Variants in CPZ observed in about 807,000 individuals in gnomAD.
CPZ encodes VEZT/CPZ fusion.
A neutral mutation model predicts 61.8 loss-of-function variants in CPZ; 103 were observed. That is an observed-to-expected ratio of 1.67 (90% CI 1.42 to 1.96). The LOEUF (loss-of-function observed/expected upper bound fraction) is 1.96, where lower values mean the gene tolerates loss of function less well. Ranked by LOEUF, CPZ falls within the 30% of genes most tolerant of loss-of-function variation. The pLI, the probability that CPZ is intolerant of heterozygous loss-of-function variation, is 0.00. For synonymous variants in CPZ, 551 were observed against 373.7 expected (o/e 1.47, Z -5.47); for missense variants, 1,461 against 914.9 (o/e 1.60, Z -7.70).
intron 1 of CPZ, 97 bp from the exon 2 acceptor site, chr4:8,599,356 C>A: frequency 7.1e-7 from 1 of 1,415,802 alleles, no homozygotes; most frequent in Non-Finnish European, 9.4e-7. Context: ...GTGGCCTGGG[C>A]TGGTCCCTAC....
intron 8 of CPZ, 125 bp downstream of exon 8, chr4:8,612,287 G>T (rs1457039018): frequency 3.7e-6 from 3 of 808,444 alleles, no homozygotes; most frequent in African/African-American, 3.5e-5. Flanking sequence ...AAGACAGGGC[G>T]ATGCCTCACC....
At position 8,619,440 on chromosome 4, in the gene CPZ, G is replaced by A. The variant is rs9342; in HGVS notation, c.1782G>A (p.Gly594=). 82,042 of 1,613,680 alleles carry A rather than the reference G, an allele frequency of 0.051. 2,457 individuals are homozygous for A. The highest frequency in any genetic ancestry group is 0.11 in the African/African-American group (8,213 of 75,044). Residue 594 remains glycine (G), a synonymous_variant, in exon 11 of 11, where the codon GGG becomes GGA. Coordinates refer to ENST00000360986, the MANE Select transcript of CPZ (RefSeq NM_001014447.3). ...LGMGPKNFIH[G]LRRTGPHDPL... The stretch of plus-strand genomic sequence containing the variant: ...TGGGACCCAAGAACTTTATTCATGG[G>A]CTGCGGAGGACTGGGCCCCACGACC...
chr4:8,614,461 A>G lies in CPZ; in HGVS notation c.1466A>G (p.Gln489Arg), dbSNP rs1435042662. The G allele has an allele frequency of 1.2e-6, 2 of 1,613,832 alleles. No homozygotes were observed. Among genetic ancestry groups the G allele is most frequent in the African/African-American group, 2.7e-5 (2 of 74,926 alleles). The change falls in exon 9 of 11, where the codon CAG (glutamine) becomes CGG (arginine). Residue 489 changes from glutamine to arginine, a missense_variant. Transcript: ENST00000360986. ...GAGGAGGCCCTGTACATACTCTGGC[A>G]GCACAACAAGGAGTCACTCCTGAAT... is the stretch of plus-strand genomic sequence containing the variant. Reference protein sequence around the residue: ...PPEEALYILWQHNKESLLNFV... With the variant: ...PPEEALYILWRHNKESLLNFV...
Position 8,604,148 on chromosome 4 carries a change from G to A in CPZ, c.669G>A (p.Leu223=), listed in dbSNP as rs1235017386. 2 of 1,584,730 alleles carry A rather than the reference G, an allele frequency of 1.3e-6. No homozygotes were observed. Among genetic ancestry groups the A allele is most frequent in the Non-Finnish European group, 1.7e-6 (2 of 1,165,126 alleles). The part of the protein sequence containing the change: ...IGRSFDGREL[L]VIEFSSRPGQ... ...GCAGCTTCGACGGCAGGGAGCTGCTGGTCATCGAGTTCTCCAGCCGCCCCG... is the reference window on the plus strand; with the variant it reads ...GCAGCTTCGACGGCAGGGAGCTGCTAGTCATCGAGTTCTCCAGCCGCCCCG... The change falls in exon 4 of 11, where the codon CTG becomes CTA. Residue 223 remains leucine, a synonymous_variant. Transcript: ENST00000360986.
chr4:8,606,760 G>A lies in CPZ; in HGVS notation c.930G>A (p.Thr310=), dbSNP rs886743564. 8.7e-6 allele frequency: 14 copies of A among 1,614,042 alleles called. No homozygotes were observed. The highest frequency in any genetic ancestry group is 1.0e-5 in the Non-Finnish European group (12 of 1,180,034). ...AAEGAGYNGW[T]SGRQNAQNLD... The stretch of plus-strand genomic sequence containing the variant: ...AGGGTGCCGGCTACAACGGGTGGAC[G>A]AGCGGGAGGCAGAACGCGCAGAACC... The change falls in exon 6 of 11, where the codon ACG becomes ACA. Residue 310 remains threonine, a synonymous_variant. Coordinates refer to ENST00000360986, the MANE Select transcript of CPZ (RefSeq NM_001014447.3).
chr4:8,605,880 A>C, intron 4 of CPZ, 109 bp from the exon 5 acceptor site: 2 of 1,073,938 alleles, frequency 1.9e-6, no homozygotes, highest in Non-Finnish European at 2.7e-6. Context: ...CAAAACAAGT[A>C]TGAATTGGTC....
chr4:8,611,048 GC>G (rs1715619971), intron 7 of CPZ: 1 of 367,430 alleles, frequency 2.7e-6, no homozygotes, highest in Non-Finnish European at 5.7e-6. Flanking sequence ...ACTTGCTCAC[GC>G]ATTCGCTCAC....
intron 2 of CPZ, 93 bp from the exon 3 acceptor site, chr4:8,601,030 C>A: frequency 6.8e-7 from 1 of 1,461,418 alleles, no homozygotes; most frequent in East Asian, 2.5e-5. Context: ...CCTGCAGGCC[C>A]TGGCCCTGCG....
In CPZ at chr4:8,604,055, G is replaced by A; in HGVS notation, c.576G>A (p.Gln192=). The part of the protein sequence containing the change: ...FIRFSHHSYA[Q]MVRVLRRTAS... ...GCTTCAGCCACCACTCCTACGCCCA[G>A]ATGGTGCGTGTGCTGAGGCGGACGG... Residue 192 remains glutamine (Q), a synonymous_variant, in exon 4 of 11, where the codon CAG becomes CAA. Transcript: ENST00000360986. The A allele has an allele frequency of 6.2e-7, 1 of 1,612,014 alleles. No homozygotes were observed. Among genetic ancestry groups the A allele is most frequent in the Non-Finnish European group, 8.5e-7 (1 of 1,179,800 alleles).
chr4:8,600,948 C>T lies in CPZ; in HGVS notation c.122-175C>T, dbSNP rs984667113. 1.9e-5 allele frequency: 26 copies of T among 1,352,410 alleles called. No individual in the cohort carries two copies. The East Asian group carries it at 7.1e-4, about 37-fold the overall frequency. The allele number at this position is 1,352,410 out of a possible 1,614,324, so 83.8% of individuals were successfully genotyped here. ...GTTGGTCTTAGGCTCCTCCTCTGGT[C>T]TCTCACAGGCTCTGATTCCTGCACA... is the stretch of plus-strand genomic sequence containing the variant. On this transcript the variant is annotated intron_variant, in intron 2 of 10. Coordinates refer to ENST00000360986, the MANE Select transcript of CPZ (RefSeq NM_001014447.3).
rs773039381 is a variant in CPZ at position 8,619,638 on chromosome 4, A to C, written c.*21A>C. ...ACTAGCCCCGGCCCCAGCACCCGCCAGGATGTGGAGACCGAGGCCCATCTC... is the reference window on the plus strand; with the variant it reads ...ACTAGCCCCGGCCCCAGCACCCGCCCGGATGTGGAGACCGAGGCCCATCTC... On this transcript the variant is annotated 3_prime_UTR_variant, in exon 11 of 11. Transcript: ENST00000360986. 1.7e-5 allele frequency: 25 copies of C among 1,472,746 alleles called. No homozygotes were observed. The South Asian group carries it at 3.7e-4, about 22-fold the overall frequency. 91.2% of individuals were successfully genotyped at this position (1,472,746 alleles called of 1,614,324 possible). A position where few individuals can be genotyped will look rare whatever the true frequency, so the allele number is the denominator to read the frequency against.
At chr4:8,603,049 G>T (rs1413466052) in intron 3 of CPZ, 1 of 152,322 alleles carries the variant, frequency 6.6e-6, no homozygotes, top group Non-Finnish European at 1.5e-5. Flanking sequence ...GAGTCGGTTG[G>T]AGATTATTTT....
At chr4:8,614,208 G>T in intron 8 of CPZ, 151 bp from the exon 9 acceptor site, 1 of 1,032,814 alleles carries the variant, frequency 9.7e-7, no homozygotes, top group Non-Finnish European at 1.4e-6. Flanking sequence ...CCTGCCTGCT[G>T]GGCACTTGGC....
At chr4:8,601,758 G>C (rs1714593256) in intron 3 of CPZ, among the ~76,000 whole-genome samples, 1 of 152,206 alleles carries the variant, frequency 6.6e-6, no homozygotes. Flanking sequence ...AGGCAGGCTG[G>C]GGTGGAAGGG....
intron 1 of CPZ, among the ~76,000 whole-genome samples, chr4:8,593,179 C>G (rs1277949787): frequency 6.6e-6 from 1 of 152,164 alleles, no homozygotes; most frequent in African/African-American, 2.4e-5. Flanking sequence ...ACGCCTGGGC[C>G]GGGGGGTGAG....
chr4:8,617,923 CAAGGCCAGGCAAGCAGTAAG>C (rs1716325976), intron 9 of CPZ, among the ~76,000 whole-genome samples: 1 of 151,962 alleles, frequency 6.6e-6, no homozygotes, highest in Non-Finnish European at 1.5e-5. Context: ...CAGTTCGTGC[CAAGGCCAGGCAAGCAGTAAG>C]AAGGCAGGGC....
Position 8,612,096 on chromosome 4 carries a change from T to G in CPZ, c.1297T>G (p.Cys433Gly), listed in dbSNP as rs538387375. 1.2e-6 allele frequency: 2 copies of G among 1,611,608 alleles called. No homozygotes were observed. The highest frequency in any genetic ancestry group is 1.1e-5 in the South Asian group (1 of 90,926). ...GATGATGGACAGGTCGGAGAATAGG[T>G]GTGGAGGCAATTTCCTGAAGAGGGG... ...PMMMDRSENR[C>G]GGNFLKRGSI... Residue 433 changes from cysteine to glycine, a missense_variant, in exon 8 of 11, where the codon TGT becomes GGT. By Grantham distance (159) the Cys-to-Gly change is radical (BLOSUM62 -3). Transcript: ENST00000360986.
chr4:8,616,690 G>A (rs1437390639), intron 9 of CPZ, among the ~76,000 whole-genome samples: 7 of 152,216 alleles, frequency 4.6e-5, no homozygotes, highest in Non-Finnish European at 1.0e-4. Context: ...GAGCCACAGG[G>A]TGGGGTGGCT....
At position 8,608,940 on chromosome 4, in the gene CPZ, A is replaced by C. The variant is rs367895868; in HGVS notation, c.1227+1515A>C. 6.6e-5 allele frequency among the ~76,000 whole-genome samples: 10 copies of C among 152,192 alleles called. No individual in the cohort carries two copies. The East Asian group carries it at 9.7e-4, about 15-fold the overall frequency. ...GCAGACCAGGGGCAGTGACAGCAACACCTGGGCCACCGGCGCATTTGTCCT... is the reference window on the plus strand; with the variant it reads ...GCAGACCAGGGGCAGTGACAGCAACCCCTGGGCCACCGGCGCATTTGTCCT... On this transcript the variant is annotated intron_variant, in intron 7 of 10. Coordinates refer to ENST00000360986, the MANE Select transcript of CPZ (RefSeq NM_001014447.3).
Sources: gnomAD v4.1 joint callset for allele counts (sites outside exome capture counted in the v4.1 genomes callset) on GRCh38, gnomAD v4.1.1 for gene constraint, MANE v1.5 for transcripts, NCBI Gene and HGNC (gene_info 2026-07-23, HGNC 2026-07-21) for gene names.